The following ERBB4 variants were observed in gnomAD, a reference collection of about 807,000 sequenced individuals.
ERBB4 encodes erb-b2 receptor tyrosine kinase 4, also known as receptor tyrosine-protein kinase erbB-4.
Under a neutral mutation model 158.0 loss-of-function variants are expected in ERBB4, and 42 were observed. The ratio of observed to expected loss-of-function variants is 0.27; its 90% confidence interval spans 0.21 to 0.34. The LOEUF is 0.34. ERBB4 is among the 10% of genes least tolerant of loss of function. ERBB4 has a pLI of 1.00. For missense variants in ERBB4, 1,333 were observed against 1,624.1 expected (o/e 0.82, Z 3.08); for synonymous variants, 583 against 558.7 (o/e 1.04, Z -0.61).
At chr2:211,702,252 T>C (rs2073281857) in intron 11 of ERBB4, 86 bp from the exon 12 acceptor site, 1 of 992,854 alleles carries the variant, frequency 1.0e-6, no homozygotes, top group Admixed American at 1.8e-5. Context: ...AAAAAGAATG[T>C]TAATGGTGTA....
chr2:211,532,151 T>TG (rs35328583), intron 20 of ERBB4, among the ~76,000 whole-genome samples: 52,543 of 150,958 alleles, frequency 0.35, 10,499 homozygotes, highest in East Asian at 0.65. Context: ...GGAAGGGTTG[T>TG]GGGGGGGGAA....
intron 20 of ERBB4, among the ~76,000 whole-genome samples, chr2:211,555,313 G>A (rs1162549467): frequency 6.6e-6 from 1 of 152,082 alleles, no homozygotes; most frequent in Non-Finnish European, 1.5e-5. Context: ...AGCCTCCCTA[G>A]TAGCTTGGAT....
chr2:212,297,633 G>A (rs1417259462), intron 1 of ERBB4, among the ~76,000 whole-genome samples: 1 of 149,710 alleles, frequency 6.7e-6, no homozygotes, highest in Non-Finnish European at 1.5e-5. Flanking sequence ...TTGATCACTG[G>A]CTACTAAAAA....
chr2:212,403,013 T>C (rs1050338643), intron 1 of ERBB4, among the ~76,000 whole-genome samples: 2 of 152,110 alleles, frequency 1.3e-5, no homozygotes, highest in Non-Finnish European at 2.9e-5. Flanking sequence ...AGACTAATTA[T>C]ATCTACTAAT....
chr2:211,937,834 TG>T (rs1266715262), intron 3 of ERBB4, among the ~76,000 whole-genome samples: 1 of 152,136 alleles, frequency 6.6e-6, no homozygotes, highest in African/African-American at 2.4e-5. Context: ...GAGATTTTGG[TG>T]GGAACACAGC....
chr2:211,497,744 ATTAT>A (rs1021671542), intron 20 of ERBB4, among the ~76,000 whole-genome samples: 9 of 152,138 alleles, frequency 5.9e-5, no homozygotes, highest in Non-Finnish European at 1.3e-4. Flanking sequence ...CTTATGAGAC[ATTAT>A]TTATTTCATG....
chr2:211,791,470 G>T (rs1358194219), intron 3 of ERBB4, among the ~76,000 whole-genome samples: 1 of 151,770 alleles, frequency 6.6e-6, no homozygotes, highest in Non-Finnish European at 1.5e-5. Context: ...ACATTTAATT[G>T]ATACTCAAAG....
At position 212,062,588 on chromosome 2, in the gene ERBB4, G is replaced by A. The variant is rs1445227309; in HGVS notation, c.234+62164C>T. Among the ~76,000 whole-genome samples, 5 of 151,772 alleles carry A rather than the reference G, an allele frequency of 3.3e-5. No homozygotes were observed. In the East Asian group the frequency reaches 9.7e-4, roughly 29 times the overall value. On this transcript the variant is annotated intron_variant, in intron 2 of 27. Coordinates refer to ENST00000342788, the MANE Select transcript of ERBB4 (RefSeq NM_005235.3). ...ATGCTCAACTAATTTTGTATTTTTA[G>A]TACAGAGGGGGTTTCACCATGTTGG...
chr2:211,803,639 G>A (rs2076549177), intron 3 of ERBB4, among the ~76,000 whole-genome samples: 2 of 152,202 alleles, frequency 1.3e-5, no homozygotes, highest in Admixed American at 1.3e-4. Flanking sequence ...GGCCAGAAAT[G>A]CAGAATTTAT....
intron 2 of ERBB4, among the ~76,000 whole-genome samples, chr2:211,972,585 C>G (rs1374776924): frequency 1.3e-5 from 2 of 151,940 alleles, no homozygotes; most frequent in African/African-American, 4.8e-5. Context: ...GAATAGAGAA[C>G]CCAGAAAAAA....
intron 2 of ERBB4, among the ~76,000 whole-genome samples, chr2:212,112,542 A>G (rs1395425786): frequency 6.6e-6 from 1 of 152,138 alleles, no homozygotes; most frequent in Non-Finnish European, 1.5e-5. Context: ...AATAGTAGGC[A>G]GCAGCAAGAC....
intron 19 of ERBB4, among the ~76,000 whole-genome samples, chr2:211,595,371 GA>G (rs947914460): frequency 6.6e-6 from 1 of 151,482 alleles, no homozygotes; most frequent in Admixed American, 6.6e-5. Context: ...AGATGTACTA[GA>G]AAAAAATCAC....
At chr2:211,540,872 A>G (rs2066789349) in intron 20 of ERBB4, among the ~76,000 whole-genome samples, 1 of 151,960 alleles carries the variant, frequency 6.6e-6, no homozygotes, top group South Asian at 2.1e-4. Flanking sequence ...AAATAATTTT[A>G]CCATAGGCTA....
chr2:212,097,581 T>C (rs2078967359), intron 2 of ERBB4, among the ~76,000 whole-genome samples: 1 of 152,074 alleles, frequency 6.6e-6, no homozygotes, highest in Non-Finnish European at 1.5e-5. Flanking sequence ...AGATGCATTG[T>C]GATAACAGAA....
chr2:211,760,877 G>T (rs1042895801), intron 4 of ERBB4, among the ~76,000 whole-genome samples: 1 of 152,094 alleles, frequency 6.6e-6, no homozygotes, highest in Non-Finnish European at 1.5e-5. Context: ...ACAACAACAT[G>T]ATAGCATAAG....
At chr2:212,135,734 A>G (rs1363149521) in intron 1 of ERBB4, among the ~76,000 whole-genome samples, 1 of 152,200 alleles carries the variant, frequency 6.6e-6, no homozygotes, top group Non-Finnish European at 1.5e-5. Context: ...TCCCTCATAC[A>G]AAGTCCTTCT....
intron 2 of ERBB4, among the ~76,000 whole-genome samples, chr2:211,997,909 T>TACACACACA (rs35510591): frequency 0.13 from 18,956 of 150,426 alleles, 1,582 homozygotes; most frequent in East Asian, 0.3. Flanking sequence ...CACACACACA[T>TACACACACA]CACACACACA....
intron 2 of ERBB4, among the ~76,000 whole-genome samples, chr2:212,072,364 C>T (rs912657641): frequency 5.3e-5 from 8 of 151,906 alleles, no homozygotes; most frequent in Middle Eastern, 3.2e-3. Flanking sequence ...CAGGTAGTAG[C>T]GTAGAATGAT....
intron 20 of ERBB4, among the ~76,000 whole-genome samples, chr2:211,540,219 T>C (rs13389231): frequency 0.49 from 73,754 of 150,100 alleles, 18,452 homozygotes; most frequent in East Asian, 0.72. Flanking sequence ...CACACACATA[T>C]ATATAATACA....
Sources: gnomAD v4.1 joint callset for allele counts (sites outside exome capture counted in the v4.1 genomes callset) on GRCh38, gnomAD v4.1.1 for gene constraint, MANE v1.5 for transcripts, NCBI Gene and HGNC (gene_info 2026-07-23, HGNC 2026-07-21) for gene names.